NDUFAF5: variants seen among roughly 807,000 people sequenced by gnomAD.
The protein encoded by NDUFAF5 is arginine-hydroxylase NDUFAF5, mitochondrial.
In NDUFAF5, 34 loss-of-function variants were observed where a neutral mutation model predicts 48.9. That is an observed-to-expected ratio of 0.70 (90% confidence interval 0.53 to 0.93). The LOEUF is 0.93. Ranked by LOEUF, NDUFAF5 falls within the 40% of genes least tolerant of loss-of-function variation. The probability of loss-of-function intolerance (pLI) is 0.00; values close to 1 mark genes in which losing one functional copy is unlikely to be tolerated. For missense variants in NDUFAF5, 428 were observed against 427.5 expected (o/e 1.00, Z -0.01); for synonymous variants, 153 against 150.6 (o/e 1.02, Z -0.12).
At chr20:13,807,863 C>G (rs1051463281) in intron 7 of NDUFAF5, among the ~76,000 whole-genome samples, 7 of 151,858 alleles carry the variant, frequency 4.6e-5, no homozygotes, top group Middle Eastern at 3.2e-3. Flanking sequence ...GCACAAGAAT[C>G]GCTTGAGTTC....
chr20:13,787,162 C>A, intron 1 of NDUFAF5, 150 bp from the exon 2 acceptor site: 1 of 839,878 alleles, frequency 1.2e-6, no homozygotes, highest in South Asian at 1.4e-5. Context: ...ATTTTGTTTC[C>A]TGGTGGTTTG....
Position 13,785,283 on chromosome 20 carries a change from A to T in NDUFAF5, c.215A>T (p.Lys72Met). 1 of 1,550,116 alleles carries T rather than the reference A, an allele frequency of 6.5e-7. No homozygotes were observed. ...QPEPTKFDYLKEEVGSRIADR... is the reference protein window; with the variant it reads ...QPEPTKFDYLMEEVGSRIADR... ...GAGCCGACCAAATTTGACTACCTGA[A>T]GGAGGAGGTGAGCCCGCGGGGCGGC... The change falls in exon 1 of 11, where the codon AAG becomes ATG. Residue 72 changes from lysine to methionine, a missense_variant. Coordinates refer to ENST00000378106, the MANE Select transcript of NDUFAF5 (RefSeq NM_024120.5).
intron 8 of NDUFAF5, chr20:13,816,167 A>T: frequency 2.3e-6 from 1 of 441,722 alleles, no homozygotes; most frequent in South Asian, 2.1e-5. Context: ...GGTGGCAGTC[A>T]CCTGGCTTTT....
intron 8 of NDUFAF5, among the ~76,000 whole-genome samples, chr20:13,812,305 G>T (rs1985973649): frequency 6.6e-6 from 1 of 152,142 alleles, no homozygotes; most frequent in African/African-American, 2.4e-5. Context: ...GCAGCCTGTA[G>T]CATGCATGGC....
At chr20:13,813,405 TATAAA>T (rs1304630207) in intron 8 of NDUFAF5, among the ~76,000 whole-genome samples, 4 of 152,218 alleles carry the variant, frequency 2.6e-5, no homozygotes, top group Non-Finnish European at 5.9e-5. Context: ...TATTTACACT[TATAAA>T]ATGATATTTA....
chr20:13,785,098 A>T lies in NDUFAF5; in HGVS notation c.30A>T (p.Leu10Phe), dbSNP rs766441991. The T allele has an allele frequency of 5.0e-6, 8 of 1,613,164 alleles. No individual in the cohort carries two copies. The highest frequency in any genetic ancestry group is 2.7e-5 in the African/African-American group (2 of 74,934). MLRPAGLWRLCRRPWAARVP... is the reference protein window; with the variant it reads MLRPAGLWRFCRRPWAARVP... The stretch of plus-strand genomic sequence containing the variant: ...TGCGGCCGGCAGGGCTCTGGCGCTT[A>T]TGTCGGCGACCTTGGGCGGCGAGGG... Residue 10 changes from leucine to phenylalanine, a missense_variant, in exon 1 of 11, where the codon TTA (leucine) becomes TTT (phenylalanine). By Grantham distance (22) the Leu-to-Phe change is conservative (BLOSUM62 0). Coordinates refer to ENST00000378106, the MANE Select transcript of NDUFAF5 (RefSeq NM_024120.5).
At chr20:13,788,959 C>G (rs1011452855) in intron 3 of NDUFAF5, among the ~76,000 whole-genome samples, 1 of 152,042 alleles carries the variant, frequency 6.6e-6, no homozygotes, top group Non-Finnish European at 1.5e-5. Flanking sequence ...ATCAGATTGG[C>G]ATTCATACAG....
In NDUFAF5 at chr20:13,817,155, T is replaced by C. The variant is rs944709426; in HGVS notation, c.983T>C (p.Phe328Ser). ...PAERGSATVS[F>S]GELGKINNLM... ...GAAAGAGGTTCCGCAACTGTGTCAT[T>C]TGGAGAGCTAGGAAAAATAAACAAC... The change falls in exon 11 of 11, where the codon TTT becomes TCT. Residue 328 changes from phenylalanine to serine, a missense_variant. By Grantham distance (155) the Phe-to-Ser change is radical (BLOSUM62 -2). Transcript: ENST00000378106. 2 of 1,613,914 alleles carry C rather than the reference T, an allele frequency of 1.2e-6. No homozygotes were observed. Among genetic ancestry groups the C allele is most frequent in the Admixed American group, 1.7e-5 (1 of 59,996 alleles).
chr20:13,805,650 G>C (rs1353276247), intron 7 of NDUFAF5, among the ~76,000 whole-genome samples: 4 of 152,170 alleles, frequency 2.6e-5, no homozygotes, highest in South Asian at 2.1e-4. Context: ...TATTAATATT[G>C]CGTCCTGGCC....
At chr20:13,788,688 G>C (rs760594040) in intron 3 of NDUFAF5, 36 bp downstream of exon 3, 1 of 1,362,454 alleles carries the variant, frequency 7.3e-7, no homozygotes, top group Non-Finnish European at 1.0e-6. Flanking sequence ...ACTTTGAAAA[G>C]TAACATTGGC....
rs56967513 is a variant in NDUFAF5, at chr20:13,792,017, A to G, written c.328-1163A>G. Among the ~76,000 whole-genome samples the G allele has an allele frequency of 2.6e-4, 39 of 152,338 alleles. No homozygotes were observed. The East Asian group carries it at 7.3e-3, about 29-fold the overall frequency. ...TATACCATGGAAGTTGGCAAATGCT[A>G]CAAAGCAGTCCCCAACCAAGAGCCA... is the stretch of plus-strand genomic sequence containing the variant. On this transcript the variant is annotated intron_variant, in intron 3 of 10. Coordinates refer to ENST00000378106, the MANE Select transcript of NDUFAF5 (RefSeq NM_024120.5).
At chr20:13,799,243 C>T (rs1414912777) in intron 6 of NDUFAF5, among the ~76,000 whole-genome samples, 1 of 152,134 alleles carries the variant, frequency 6.6e-6, no homozygotes. Context: ...TTCAGAGCCA[C>T]TGGAGCATTT....
At position 13,804,311 on chromosome 20, in the gene NDUFAF5, C is replaced by T. The variant is rs1374775543; in HGVS notation, c.717+2628C>T. ...GGTATTATTATGAAAATAATTTTGA[C>T]TTTGTGGACCCCCAAAAAAGTCCTA... is the stretch of plus-strand genomic sequence containing the variant. On this transcript the variant is annotated intron_variant, in intron 7 of 10. Transcript: ENST00000378106. Among the ~76,000 whole-genome samples, 5 of 152,002 alleles carry T rather than the reference C, an allele frequency of 3.3e-5. No homozygotes were observed. The East Asian group carries it at 9.7e-4, about 29-fold the overall frequency.
At chr20:13,805,328 A>G (rs574099185) in intron 7 of NDUFAF5, among the ~76,000 whole-genome samples, 1 of 152,348 alleles carries the variant, frequency 6.6e-6, no homozygotes, top group Middle Eastern at 3.4e-3. Context: ...TGTGAACTAC[A>G]CATGGTTTTC....
intron 5 of NDUFAF5, among the ~76,000 whole-genome samples, 186 bp from the exon 6 acceptor site, chr20:13,798,275 A>G (rs982703687): frequency 4.4e-4 from 67 of 152,336 alleles, no homozygotes; most frequent in African/African-American, 1.6e-3. Context: ...GGTGTGACAC[A>G]AGGCAGGTTT....
chr20:13,797,432 T>G (rs925190929), intron 5 of NDUFAF5, among the ~76,000 whole-genome samples: 1 of 152,182 alleles, frequency 6.6e-6, no homozygotes, highest in Admixed American at 6.5e-5. Flanking sequence ...GTCAAGCCAT[T>G]AAAATATTTG....
chr20:13,813,616 A>T (rs969477586), intron 8 of NDUFAF5, among the ~76,000 whole-genome samples: 1 of 152,190 alleles, frequency 6.6e-6, no homozygotes, highest in Non-Finnish European at 1.5e-5. Context: ...AAATGAAATC[A>T]TTTATAATAA....
rs1201184516 is a variant in NDUFAF5 at position 13,801,664 on chromosome 20, G to T, written c.698G>T (p.Gly233Val). 1 of 1,613,794 alleles carries T rather than the reference G, an allele frequency of 6.2e-7. No homozygotes were observed. The highest frequency in any genetic ancestry group is 8.5e-7 in the Non-Finnish European group (1 of 1,179,926). ...NDLGHLLGRA[G>V]FNTLTVDTDE... Reference sequence around the variant, plus strand: ...CTGGGACATCTGCTTGGGAGAGCTGGCTTTAATACTCTGACTGTGGTAACT... The same window carrying T: ...CTGGGACATCTGCTTGGGAGAGCTGTCTTTAATACTCTGACTGTGGTAACT... Residue 233 changes from glycine to valine, a missense_variant, in exon 7 of 11, where the codon GGC (glycine) becomes GTC (valine). Coordinates refer to ENST00000378106, the MANE Select transcript of NDUFAF5 (RefSeq NM_024120.5).
At chr20:13,802,869 T>A (rs1031265431) in intron 7 of NDUFAF5, among the ~76,000 whole-genome samples, 7 of 152,094 alleles carry the variant, frequency 4.6e-5, no homozygotes, top group African/African-American at 1.7e-4. Context: ...TGCCCTCTTC[T>A]TCCTCCCTCC....
Sources: gnomAD v4.1 joint callset for allele counts (sites outside exome capture counted in the v4.1 genomes callset) on GRCh38, gnomAD v4.1.1 for gene constraint, MANE v1.5 for transcripts, NCBI Gene and HGNC (gene_info 2026-07-23, HGNC 2026-07-21) for gene names.